The following COL6A3 variants were observed in gnomAD, a reference collection of about 807,000 sequenced individuals.
COL6A3 encodes collagen alpha-3(VI) chain.
In COL6A3, 137 loss-of-function variants were observed where a neutral mutation model predicts 274.1. The observed-to-expected ratio is 0.50, with a 90% CI of 0.44 to 0.58. COL6A3 has a LOEUF of 0.58. Ranked by LOEUF, COL6A3 falls within the 20% of genes least tolerant of loss-of-function variation. The probability of loss-of-function intolerance (pLI) is 0.00; values close to 1 mark genes in which losing one functional copy is unlikely to be tolerated. For synonymous variants in COL6A3, 1,650 were observed against 1,650.6 expected (o/e 1.00, Z 0.01); for missense variants, 3,950 against 4,124.9 (o/e 0.96, Z 1.16).
At chr2:237,342,252 A>G in intron 36 of COL6A3, 91 bp from the exon 37 acceptor site, 4 of 980,112 alleles carry the variant, frequency 4.1e-6, no homozygotes, top group Admixed American at 3.9e-5. Context: ...AGCTACATCA[A>G]TAAAATAGAT....
chr2:237,397,163 G>GGGAAGGGGGAAGAGAAGGGAAT (rs2078468218), intron 1 of COL6A3, among the ~76,000 whole-genome samples: 1 of 140,536 alleles, frequency 7.1e-6, no homozygotes, highest in Admixed American at 7.2e-5. Context: ...GAGAAGGGAA[G>GGGAAGGGGGAAGAGAAGGGAAT]GGAAGGGAGA....
chr2:237,355,704 A>G (rs536957736), intron 23 of COL6A3: 9 of 152,162 alleles, frequency 5.9e-5, no homozygotes, highest in African/African-American at 2.2e-4. Context: ...CTGCTACATC[A>G]ACCTAGGAAC....
chr2:237,387,882 C>G lies in COL6A3; in HGVS notation c.1012G>C (p.Gly338Arg). The G allele has an allele frequency of 6.2e-7, 1 of 1,614,130 alleles. No individual in the cohort carries two copies. Among genetic ancestry groups the G allele is most frequent in the Non-Finnish European group, 8.5e-7 (1 of 1,179,996 alleles). The change falls in exon 4 of 44, where the codon GGG becomes CGG. Residue 338 changes from glycine (G) to arginine (R), a missense_variant. Gly to Arg is a moderately radical substitution (Grantham distance 125, BLOSUM62 -2). This residue lies in a region of COL6A3 where 1,934 missense variants were observed against 1,984.3 expected (regional missense o/e 0.97). Transcript: ENST00000295550. ...ACCCCTTCCTCCACGCGGCTGCCCC[C>G]TGCCCGGGTGAAGTGGTTCTCCACC... Reference protein sequence around the residue: ...FVVENHFTRAGGSRVEEGVPQ... With the variant: ...FVVENHFTRARGSRVEEGVPQ...
At chr2:237,362,443 C>T (rs1231986821) in intron 14 of COL6A3, among the ~76,000 whole-genome samples, 2 of 152,226 alleles carry the variant, frequency 1.3e-5, no homozygotes, top group African/African-American at 4.8e-5. Flanking sequence ...AAGGGCATGC[C>T]CAAATACATT....
chr2:237,367,212 G>A lies in COL6A3; in HGVS notation c.4975C>T (p.Leu1659Phe), dbSNP rs1224719238. Residue 1659 changes from leucine (L) to phenylalanine (F), a missense_variant, in exon 11 of 44, where the codon CTT becomes TTT. Transcript: ENST00000295550. Reference sequence around the variant, plus strand: ...TCCACTATTTCAGACACAAAACGAAGCACTTCCTGGAAACTGTCCCTCCTG... The same window carrying A: ...TCCACTATTTCAGACACAAAACGAAACACTTCCTGGAAACTGTCCCTCCTG... Reference protein sequence around the residue: ...NFRRDSFQEVLRFVSEIVDTV... With the variant: ...NFRRDSFQEVFRFVSEIVDTV... 6.2e-7 allele frequency: 1 copy of A among 1,613,948 alleles called. No individual in the cohort carries two copies. Among genetic ancestry groups the A allele is most frequent in the Non-Finnish European group, 8.5e-7 (1 of 1,179,860 alleles).
chr2:237,374,589 C>T lies in COL6A3; in HGVS notation c.3502G>A (p.Gly1168Arg), dbSNP rs747948769. The T allele has an allele frequency of 9.9e-6, 16 of 1,614,082 alleles. No individual in the cohort carries two copies. The highest frequency in any genetic ancestry group is 4.0e-5 in the African/African-American group (3 of 74,932). ...TGCATCTCTGTGATGTCAGCGTTCC[C>T]GATGCCAATGCCAATGGGCACAGCC... ...GGAVPIGIGI[G>R]NADITEMQTI... The change falls in exon 8 of 44, where the codon GGG becomes AGG. Residue 1168 changes from glycine (G) to arginine (R), a missense_variant. By Grantham distance (125) the Gly-to-Arg change is moderately radical. Transcript: ENST00000295550. This position sits in a 1 kb window ranked among gnomAD's most constrained non-coding sequence, Gnocchi z 4.8.
intron 9 of COL6A3, among the ~76,000 whole-genome samples, chr2:237,369,640 T>C (rs2077637808): frequency 6.6e-6 from 1 of 152,198 alleles, no homozygotes; most frequent in East Asian, 1.9e-4. Context: ...GTGAGACCCC[T>C]GAGGAGCCCA....
Position 237,324,357 on chromosome 2 carries a change from T to G in COL6A3, c.*417A>C, listed in dbSNP as rs1438832940. 1 of 169,708 alleles carries G rather than the reference T, an allele frequency of 5.9e-6. No homozygotes were observed. Among genetic ancestry groups the G allele is most frequent in the Non-Finnish European group, 1.3e-5 (1 of 78,168 alleles). The allele number at this position is 169,708 out of a possible 1,614,324, so 10.5% of individuals were successfully genotyped here. ...CTCCACGATACACAGGCTTCCCATC[T>G]AAAGTCATGCTTAACTAAAAGGGAA... On this transcript the variant is annotated 3_prime_UTR_variant, in exon 44 of 44. Transcript: ENST00000295550.
At position 237,359,536 on chromosome 2, in the gene COL6A3, T is replaced by C. The variant is rs1219516577; in HGVS notation, c.6283-148A>G. 5.7e-6 allele frequency: 5 copies of C among 884,608 alleles called. No homozygotes were observed. The Admixed American group carries it at 8.6e-5, about 15-fold the overall frequency. The allele number at this position is 884,608 out of a possible 1,614,324, so 54.8% of individuals were successfully genotyped here. ...AATATTAGAGTCCTACCCCTTTGGATTCCTCTCTCACCACCACGTGCGATG... is the reference window on the plus strand; with the variant it reads ...AATATTAGAGTCCTACCCCTTTGGACTCCTCTCTCACCACCACGTGCGATG... On this transcript the variant is annotated intron_variant, in intron 17 of 43. Transcript: ENST00000295550.
At position 237,325,631 on chromosome 2, in the gene COL6A3, C is replaced by G; in HGVS notation, c.9422G>C (p.Trp3141Ser). ...DPNTKSCARF[W>S]YGGCGGNENK... ...TTCGTTTCCACCACAACCTCCATAC[C>G]AGAATCTTGCACAGCTTTTGGTGTT... Residue 3141 changes from tryptophan to serine, a missense_variant, in exon 43 of 44, where the codon TGG becomes TCG. Trp to Ser is a radical substitution (Grantham distance 177). Around this residue, in one of 5 missense-constraint regions of COL6A3, gnomAD observed 1,284 missense variants for 1,349.7 expected, o/e 0.95. Transcript: ENST00000295550. 6.2e-7 allele frequency: 1 copy of G among 1,614,160 alleles called. No homozygotes were observed. Among genetic ancestry groups the G allele is most frequent in the South Asian group, 1.1e-5 (1 of 91,080 alleles).
At position 237,366,880 on chromosome 2, in the gene COL6A3, C is replaced by A. The variant is rs755698278; in HGVS notation, c.5307G>T (p.Arg1769Ser). 35 of 1,614,122 alleles carry A rather than the reference C, an allele frequency of 2.2e-5. No homozygotes were observed. Among genetic ancestry groups the A allele is most frequent in the Non-Finnish European group, 2.8e-5 (33 of 1,180,046 alleles). Residue 1769 changes from arginine (R) to serine (S), a missense_variant, in exon 11 of 44, where the codon AGG (arginine) becomes AGT (serine). By Grantham distance (110) the Arg-to-Ser change is moderately radical (BLOSUM62 -1). Around this residue, in one of 5 missense-constraint regions of COL6A3, gnomAD observed 632 missense variants for 623.4 expected, o/e 1.01. Transcript: ENST00000295550. ...CTCCAACAGCAAACACTTTGACCCCCCTCTGGGTGAGGGCCAGGCTCACAT... is the reference window on the plus strand; with the variant it reads ...CTCCAACAGCAAACACTTTGACCCCACTCTGGGTGAGGGCCAGGCTCACAT... ...AQDVSLALTQ[R>S]GVKVFAVGVR... is the part of the protein sequence containing the mutation.
At position 237,363,431 on chromosome 2, in the gene COL6A3, C is replaced by T. The variant is rs200371832; in HGVS notation, c.5918-33G>A. On this transcript the variant is annotated intron_variant, in intron 13 of 43. Coordinates refer to ENST00000295550, the MANE Select transcript of COL6A3 (RefSeq NM_004369.4). ...GAAAGACACATTTAATACAGCTCAC[C>T]TAGGCATGTGGAAAATGCAATGTCC... 75 of 1,613,840 alleles carry T rather than the reference C, an allele frequency of 4.6e-5. No homozygotes were observed. In the Middle Eastern group the frequency reaches 8.2e-4, roughly 18 times the overall value.
chr2:237,363,147 C>T (rs959693277), intron 14 of COL6A3, 106 bp downstream of exon 14: 30 of 1,131,186 alleles, frequency 2.7e-5, no homozygotes, highest in Non-Finnish European at 3.7e-5. Flanking sequence ...ACCAAGGCCC[C>T]CCCCCCACCT....
chr2:237,376,638 G>T, intron 7 of COL6A3, 134 bp downstream of exon 7: 1 of 861,824 alleles, frequency 1.2e-6, no homozygotes, highest in Admixed American at 1.7e-5. Flanking sequence ...GCTGAAACCA[G>T]CAGGTGATTA....
intron 42 of COL6A3, chr2:237,327,317 C>G (rs1418483038): frequency 1.3e-5 from 2 of 152,360 alleles, no homozygotes; most frequent in Non-Finnish European, 2.9e-5. Context: ...TTCAAGTGCA[C>G]TTCAGTCCTG....
intron 24 of COL6A3, among the ~76,000 whole-genome samples, chr2:237,354,564 C>T (rs1162871444): frequency 6.6e-6 from 1 of 152,132 alleles, no homozygotes; most frequent in African/African-American, 2.4e-5. Flanking sequence ...TGTCTCTTAT[C>T]TACCTATGAC....
At chr2:237,333,316 C>T in intron 42 of COL6A3, 134 bp downstream of exon 42, 3 of 774,160 alleles carry the variant, frequency 3.9e-6, no homozygotes, top group Non-Finnish European at 6.7e-6. Flanking sequence ...TGTTGGGCTG[C>T]ACAGAGCTGA....
At position 237,333,483 on chromosome 2, in the gene COL6A3, C is replaced by T; in HGVS notation, c.9295G>A (p.Val3099Met). Residue 3099 changes from valine (V) to methionine (M), a missense_variant, in exon 42 of 44, where the codon GTG (valine) becomes ATG (methionine). This residue lies in a region of COL6A3 where 1,284 missense variants were observed against 1,349.7 expected (regional missense o/e 0.95). Coordinates refer to ENST00000295550, the MANE Select transcript of COL6A3 (RefSeq NM_004369.4). ...GTGAGAGCCAATGGTTCTGTGCTCA[C>T]CATTAGATTGATGGTTGAACTAGAA... ...SASSSTINLM[V>M]STEPLALTET... 6.2e-7 allele frequency: 1 copy of T among 1,614,196 alleles called. No individual in the cohort carries two copies. The highest frequency in any genetic ancestry group is 8.5e-7 in the Non-Finnish European group (1 of 1,180,032).
Position 237,394,819 on chromosome 2 carries a change from A to G in COL6A3, c.477T>C (p.Ala159=), listed in dbSNP as rs2078388584. 1 of 1,614,068 alleles carries G rather than the reference A, an allele frequency of 6.2e-7. No individual in the cohort carries two copies. The highest frequency in any genetic ancestry group is 8.5e-7 in the Non-Finnish European group (1 of 1,180,050). The change falls in exon 3 of 44, where the codon GCT becomes GCC. Residue 159 remains alanine (A), a synonymous_variant. Coordinates refer to ENST00000295550, the MANE Select transcript of COL6A3 (RefSeq NM_004369.4). ...CAGACTTAAGTTCCGCTGAGGGCAG[A>G]GCAAGGCCATCCTTCGAGTGTCCAT... ...LTDGHSKDGL[A]LPSAELKSAD...
Sources: allele counts gnomAD v4.1 joint callset (sites outside exome capture counted in the v4.1 genomes callset), GRCh38; gene constraint gnomAD v4.1.1; regional missense constraint gnomAD v4.1.1; non-coding constraint Gnocchi (gnomAD v3.1); transcripts MANE v1.5; gene names NCBI Gene and HGNC (gene_info 2026-07-23, HGNC 2026-07-21).